The following FRMD4B variants were observed in gnomAD, a reference collection of about 807,000 sequenced individuals.
The protein encoded by FRMD4B is FERM domain containing 4B.
FRMD4B carries 74 observed loss-of-function variants against 141.5 expected under a neutral mutation model. The observed-to-expected ratio is 0.52, with a 90% CI of 0.43 to 0.63. The LOEUF (loss-of-function observed/expected upper bound fraction) is 0.63, where lower values mean the gene tolerates loss of function less well. Ranked by LOEUF, FRMD4B falls within the 30% of genes least tolerant of loss-of-function variation. The probability of loss-of-function intolerance (pLI) is 0.00; values close to 1 mark genes in which losing one functional copy is unlikely to be tolerated. For synonymous variants in FRMD4B, 506 were observed against 467.9 expected (o/e 1.08, Z -1.05); for missense variants, 1,366 against 1,253.4 (o/e 1.09, Z -1.36).
intron 1 of FRMD4B, among the ~76,000 whole-genome samples, chr3:69,506,587 G>A (rs1045905513): frequency 6.6e-6 from 1 of 151,566 alleles, no homozygotes; most frequent in East Asian, 1.9e-4. Context: ...CCAGGCTGGA[G>A]TGCACTGGCA....
chr3:69,366,725 A>G (rs1442326111), intron 1 of FRMD4B, among the ~76,000 whole-genome samples: 3 of 152,110 alleles, frequency 2.0e-5, no homozygotes, highest in Non-Finnish European at 2.9e-5. Context: ...TTTTTTTTCA[A>G]TAGTATTCAT....
chr3:69,287,913 A>AGCAGG, intron 4 of FRMD4B, 77 bp from the exon 5 acceptor site: 1 of 670,544 alleles, frequency 1.5e-6, no homozygotes. Flanking sequence ...GTTCCCCAAA[A>AGCAGG]GCAGGGCAAG....
intron 1 of FRMD4B, among the ~76,000 whole-genome samples, chr3:69,438,330 T>C (rs1705292765): frequency 6.6e-6 from 1 of 152,002 alleles, no homozygotes; most frequent in Admixed American, 6.6e-5. Flanking sequence ...GTTCCTGAAC[T>C]CTCGGTTTCA....
At chr3:69,520,024 A>T (rs1304451676) in intron 1 of FRMD4B, among the ~76,000 whole-genome samples, 1 of 111,834 alleles carries the variant, frequency 8.9e-6, no homozygotes, top group Non-Finnish European at 1.7e-5. Flanking sequence ...ATATATATAT[A>T]TTCCATCATA....
chr3:69,199,564 T>C (rs1179422943), intron 11 of FRMD4B, among the ~76,000 whole-genome samples: 2 of 152,180 alleles, frequency 1.3e-5, no homozygotes, highest in African/African-American at 2.4e-5. Flanking sequence ...TTCCTACCTA[T>C]GAAGAGTTCC....
At chr3:69,221,381 T>G (rs2093193269) in intron 9 of FRMD4B, among the ~76,000 whole-genome samples, 2 of 152,174 alleles carry the variant, frequency 1.3e-5, no homozygotes, top group Admixed American at 6.5e-5. Context: ...TACACTCGAC[T>G]CAAATTCGAA....
chr3:69,305,590 A>G (rs546780759), intron 3 of FRMD4B, among the ~76,000 whole-genome samples: 3 of 152,264 alleles, frequency 2.0e-5, no homozygotes, highest in African/African-American at 7.2e-5. Context: ...AAGATGCATC[A>G]TTTTAAAAGC....
chr3:69,506,436 T>TA (rs113912815), intron 1 of FRMD4B, among the ~76,000 whole-genome samples: 52 of 143,860 alleles, frequency 3.6e-4, no homozygotes, highest in East Asian at 1.6e-3. Context: ...AACCCAAGTG[T>TA]AAAAAAAAAA....
In FRMD4B at chr3:69,255,344, T is replaced by C. The variant is rs1293889063; in HGVS notation, c.502-5245A>G. On this transcript the variant is annotated intron_variant, in intron 5 of 22. Transcript: ENST00000398540. The stretch of plus-strand genomic sequence containing the variant: ...GACATACTAACAGCTTTTGGTACTA[T>C]TCTTTCAACTCTTCTGTAAGTTTGA... Among the ~76,000 whole-genome samples the C allele has an allele frequency of 3.3e-5, 5 of 152,314 alleles. No individual in the cohort carries two copies. In the East Asian group the frequency reaches 9.7e-4, roughly 29 times the overall value.
chr3:69,276,217 T>G (rs1157715744), intron 5 of FRMD4B, among the ~76,000 whole-genome samples: 1 of 152,212 alleles, frequency 6.6e-6, no homozygotes, highest in East Asian at 1.9e-4. Context: ...CCTATTTCAA[T>G]AAAATCTTCC....
At chr3:69,380,570 T>C (rs774037212) in intron 1 of FRMD4B, among the ~76,000 whole-genome samples, 9 of 152,192 alleles carry the variant, frequency 5.9e-5, no homozygotes, top group African/African-American at 2.2e-4. Flanking sequence ...TCCCCCACTC[T>C]TACCCAGGAG....
At chr3:69,337,483 T>C (rs977116508) in intron 1 of FRMD4B, among the ~76,000 whole-genome samples, 15 of 152,182 alleles carry the variant, frequency 9.9e-5, no homozygotes, top group Non-Finnish European at 1.8e-4. Flanking sequence ...AAGACCTTCT[T>C]CACAGCAAAA....
intron 1 of FRMD4B, among the ~76,000 whole-genome samples, chr3:69,540,644 T>TAC (rs1559557444): frequency 3.0e-5 from 2 of 67,718 alleles, no homozygotes; most frequent in Admixed American, 3.3e-4. Context: ...AAAATATATA[T>TAC]ATATATATAT....
chr3:69,222,059 G>A, intron 8 of FRMD4B, 136 bp from the exon 9 acceptor site: 2 of 624,928 alleles, frequency 3.2e-6, no homozygotes, highest in South Asian at 3.8e-5. Flanking sequence ...ATAGAGTTTG[G>A]CTTTTGTTTC....
intron 7 of FRMD4B, among the ~76,000 whole-genome samples, chr3:69,232,246 G>C (rs1183342994): frequency 2.0e-5 from 3 of 151,992 alleles, no homozygotes; most frequent in African/African-American, 7.3e-5. Flanking sequence ...GGTTTCTCCG[G>C]GTCCTAGCCA....
intron 1 of FRMD4B, among the ~76,000 whole-genome samples, chr3:69,368,416 T>G (rs1703729111): frequency 6.6e-6 from 1 of 152,138 alleles, no homozygotes; most frequent in Non-Finnish European, 1.5e-5. Flanking sequence ...CAGCAGTAAA[T>G]AATGAATGCA....
chr3:69,446,193 A>C (rs1642162073), intron 1 of FRMD4B, among the ~76,000 whole-genome samples: 1 of 151,282 alleles, frequency 6.6e-6, no homozygotes, highest in African/African-American at 2.4e-5. Context: ...ATGCCTGGCT[A>C]ATTTTTGTAT....
chr3:69,221,538 A>T (rs777457839), intron 9 of FRMD4B, among the ~76,000 whole-genome samples: 1 of 152,172 alleles, frequency 6.6e-6, no homozygotes, highest in Non-Finnish European at 1.5e-5. Context: ...ATCTGGCAAC[A>T]TTATGCCTGA....
rs144485591 is a variant in FRMD4B at position 69,343,881 on chromosome 3, G to A, written c.163-30364C>T. ...AGGCGTGAACCACCACACCCGGCCC[G>A]TCTTAACAGTTTCTATACTCCCCAA... On this transcript the variant is annotated intron_variant, in intron 1 of 22. Transcript: ENST00000398540. 3.3e-3 allele frequency among the ~76,000 whole-genome samples: 495 copies of A among 151,996 alleles called. 3 individuals are homozygous for A. Among genetic ancestry groups the A allele is most frequent in the African/African-American group, 0.012 (477 of 41,466 alleles).
Sources: allele counts gnomAD v4.1 joint callset (sites outside exome capture counted in the v4.1 genomes callset), GRCh38; gene constraint gnomAD v4.1.1; transcripts MANE v1.5; gene names NCBI Gene and HGNC (gene_info 2026-07-23, HGNC 2026-07-21).